Variants in RBFOX1 observed in about 807,000 individuals in gnomAD.
RBFOX1 encodes RNA binding protein fox-1 homolog 1.
In RBFOX1, 8 loss-of-function variants were observed where a neutral mutation model predicts 57.7. That is an observed-to-expected ratio of 0.14 (90% CI 0.08 to 0.25). The LOEUF is 0.25. Among genes scored for constraint, RBFOX1 ranks in the 10% least tolerant of loss-of-function variants. RBFOX1 has a pLI of 1.00. For synonymous variants in RBFOX1, 326 were observed against 222.4 expected, an observed-to-expected ratio of 1.47 and a Z score of -4.15; for missense variants, 611 against 548.5, an observed-to-expected ratio of 1.11 and a Z score of -1.14.
chr16:7,222,694 T>C, intron 4 of RBFOX1, among the ~76,000 whole-genome samples: 1 of 152,224 alleles, frequency 6.6e-6, no homozygotes, highest in East Asian at 1.9e-4. Flanking sequence ...GCAAATTACA[T>C]GAAATGATGT....
intron 3 of RBFOX1, among the ~76,000 whole-genome samples, chr16:6,783,908 A>G (rs115074676): frequency 2.6e-4 from 40 of 152,250 alleles, no homozygotes; most frequent in African/African-American, 8.9e-4. Flanking sequence ...ACTATGCTGA[A>G]TATAATGTTC....
chr16:6,916,690 C>A (rs1249471230), intron 3 of RBFOX1, among the ~76,000 whole-genome samples: 2 of 152,086 alleles, frequency 1.3e-5, no homozygotes, highest in Non-Finnish European at 2.9e-5. Context: ...CTCTCATTGG[C>A]CGCAGTTATG....
At chr16:6,823,729 C>G (rs554533698) in intron 3 of RBFOX1, among the ~76,000 whole-genome samples, 1 of 152,120 alleles carries the variant, frequency 6.6e-6, no homozygotes, top group Non-Finnish European at 1.5e-5. Flanking sequence ...ATATTTACCA[C>G]CAATTGAAAT....
intron 1 of RBFOX1, among the ~76,000 whole-genome samples, chr16:5,325,416 C>G (rs951818849): frequency 6.6e-6 from 1 of 152,182 alleles, no homozygotes; most frequent in Non-Finnish European, 1.5e-5. Flanking sequence ...AGTAAATTTT[C>G]TACCACATTT....
chr16:6,594,022 A>AG (rs1418823278), intron 2 of RBFOX1, among the ~76,000 whole-genome samples: 10 of 152,174 alleles, frequency 6.6e-5, no homozygotes, highest in South Asian at 2.1e-4. Flanking sequence ...GCTTGGACTG[A>AG]ATATTTATTA....
intron 10 of RBFOX1, among the ~76,000 whole-genome samples, chr16:7,628,249 G>C (rs562608883): frequency 1.3e-5 from 2 of 152,274 alleles, no homozygotes; most frequent in South Asian, 2.1e-4. Context: ...GCACAGGAGA[G>C]AAGGTTGAGG....
chr16:7,154,890 C>T (rs1470520577), intron 4 of RBFOX1, among the ~76,000 whole-genome samples: 1 of 152,096 alleles, frequency 6.6e-6, no homozygotes. Flanking sequence ...GGTAAGGAAA[C>T]TAGGATTACA....
intron 1 of RBFOX1, among the ~76,000 whole-genome samples, chr16:6,196,466 C>A (rs896555047): frequency 6.6e-6 from 1 of 152,086 alleles, no homozygotes; most frequent in East Asian, 1.9e-4. Context: ...ATACAGTAGA[C>A]AATAAATCTG....
intron 1 of RBFOX1, among the ~76,000 whole-genome samples, chr16:5,390,128 C>G (rs1251724387): frequency 6.6e-6 from 1 of 152,116 alleles, no homozygotes; most frequent in African/African-American, 2.4e-5. Context: ...AATTCTAACA[C>G]TGATGAAGTC....
At chr16:6,958,236 C>T (rs12918107) in intron 3 of RBFOX1, among the ~76,000 whole-genome samples, 43,863 of 152,128 alleles carry the variant, frequency 0.29, 8,091 homozygotes, top group Middle Eastern at 0.41. Flanking sequence ...TTGCTGAGCC[C>T]TGCACGATGC....
intron 1 of RBFOX1, among the ~76,000 whole-genome samples, chr16:6,048,966 C>A (rs1047218668): frequency 4.6e-5 from 7 of 151,048 alleles, no homozygotes; most frequent in African/African-American, 1.5e-4. Flanking sequence ...TTGGAAGGAG[C>A]AATGTCAAGC....
intron 2 of RBFOX1, among the ~76,000 whole-genome samples, chr16:6,341,419 A>G (rs919587993): frequency 1.3e-5 from 2 of 152,170 alleles, no homozygotes; most frequent in East Asian, 1.9e-4. Context: ...GGCGGCATTC[A>G]TAGGAAGTTA....
intron 2 of RBFOX1, among the ~76,000 whole-genome samples, chr16:6,411,107 T>C (rs1008010280): frequency 2.6e-5 from 4 of 152,204 alleles, no homozygotes; most frequent in African/African-American, 9.6e-5. Context: ...TGTCCCGCAA[T>C]CATGGGAATA....
chr16:5,809,222 A>C (rs937659144), intron 3 of RBFOX1, among the ~76,000 whole-genome samples: 16 of 152,208 alleles, frequency 1.1e-4, no homozygotes, highest in African/African-American at 3.9e-4. Flanking sequence ...TAAAAACCCT[A>C]GAAGAAAACC....
chr16:6,420,412 A>G (rs1271786971), intron 2 of RBFOX1, among the ~76,000 whole-genome samples: 2 of 152,090 alleles, frequency 1.3e-5, no homozygotes, highest in Non-Finnish European at 2.9e-5. Context: ...TGCACTTTAT[A>G]ATTTTTACAA....
chr16:6,150,466 T>TAA, intron 1 of RBFOX1, among the ~76,000 whole-genome samples: 1 of 148,810 alleles, frequency 6.7e-6, no homozygotes. Context: ...TGTTTTCCAT[T>TAA]AAAAAAAAAA....
chr16:6,594,195 C>T (rs1233185768), intron 2 of RBFOX1, among the ~76,000 whole-genome samples: 1 of 151,902 alleles, frequency 6.6e-6, no homozygotes, highest in Non-Finnish European at 1.5e-5. Context: ...GTGTGAAGTG[C>T]CCAGGAAGGT....
intron 4 of RBFOX1, among the ~76,000 whole-genome samples, chr16:5,881,622 G>A (rs1009018095): frequency 6.6e-6 from 1 of 152,134 alleles, no homozygotes; most frequent in Non-Finnish European, 1.5e-5. Context: ...GGAGGTTGCT[G>A]TGAGTCAAAA....
At chr16:6,335,776 CAAAAAAAAAAAAAAGA>C in intron 2 of RBFOX1, among the ~76,000 whole-genome samples, 1 of 50,950 alleles carries the variant, frequency 2.0e-5, no homozygotes, top group East Asian at 6.0e-4. Flanking sequence ...AGACTGTCTC[CAAAAAAAAAAAAAAGA>C]AAAAAAAAAG....
Sources: allele counts gnomAD v4.1 joint callset (sites outside exome capture counted in the v4.1 genomes callset), GRCh38; gene constraint gnomAD v4.1.1; transcripts MANE v1.5; gene names NCBI Gene and HGNC (gene_info 2026-07-23, HGNC 2026-07-21).